The following RNF217 variants were observed in gnomAD, a reference collection of about 807,000 sequenced individuals.
The protein encoded by RNF217 is ring finger protein 217.
Under a neutral mutation model 57.8 loss-of-function variants are expected in RNF217, and 31 were observed. The observed-to-expected ratio is 0.54, with a 90% CI of 0.40 to 0.72. The LOEUF is 0.72. RNF217 is among the 30% of genes least tolerant of loss of function. The probability of loss-of-function intolerance (pLI) is 0.00; values close to 1 mark genes in which losing one functional copy is unlikely to be tolerated. For synonymous variants in RNF217, 313 were observed against 294.0 expected, an observed-to-expected ratio of 1.06 and a Z score of -0.66; for missense variants, 696 against 708.3, an observed-to-expected ratio of 0.98 and a Z score of 0.20.
intron 1 of RNF217, among the ~76,000 whole-genome samples, chr6:125,019,830 CAGT>C (rs752034204): frequency 1.5e-4 from 18 of 116,206 alleles, no homozygotes; most frequent in South Asian, 9.8e-4. Context: ...CCCTTTTTTG[CAGT>C]GGGGGGGGAG....
chr6:125,035,703 T>C (rs1226807989), intron 1 of RNF217, among the ~76,000 whole-genome samples: 1 of 152,160 alleles, frequency 6.6e-6, no homozygotes, highest in East Asian at 1.9e-4. Context: ...TTTAATGTCA[T>C]GTGTAAGAAA....
chr6:125,086,891 A>C lies in RNF217; in HGVS notation c.*3954A>C, dbSNP rs1158261329. 1 of 152,112 alleles carries C rather than the reference A, an allele frequency of 6.6e-6. No individual in the cohort carries two copies. The highest frequency in any genetic ancestry group is 1.9e-4 in the East Asian group (1 of 5,184). 9.4% of individuals were successfully genotyped at this position (152,112 alleles called of 1,614,324 possible). A position where few individuals can be genotyped will look rare whatever the true frequency, so the allele number is the denominator to read the frequency against. ...ACTATCTCTTGAGTCCCAAGGCTCCAATTGAGCCTTTATCTTTCAACCTTA... is the reference window on the plus strand; with the variant it reads ...ACTATCTCTTGAGTCCCAAGGCTCCCATTGAGCCTTTATCTTTCAACCTTA... On this transcript the variant is annotated 3_prime_UTR_variant, in exon 6 of 6. Transcript: ENST00000521654.
Position 125,090,375 on chromosome 6 carries a change from A to C in RNF217, c.*7438A>C, listed in dbSNP as rs1316857405. On this transcript the variant is annotated 3_prime_UTR_variant, in exon 6 of 6. Transcript: ENST00000521654. ...ACAAAGAACCAGTTGTTTTGATTCT[A>C]TTTTAAACAAAATTGTAAGGCAATT... 2 of 152,170 alleles carry C rather than the reference A, an allele frequency of 1.3e-5. No homozygotes were observed. The highest frequency in any genetic ancestry group is 3.9e-4 in the East Asian group (2 of 5,184). 9.4% of individuals were successfully genotyped at this position (152,170 alleles called of 1,614,324 possible).
intron 1 of RNF217, among the ~76,000 whole-genome samples, chr6:124,971,836 T>C (rs945639400): frequency 7.2e-5 from 11 of 152,262 alleles, no homozygotes; most frequent in African/African-American, 2.2e-4. Context: ...AGAACTTTCT[T>C]GTATTTTACC....
chr6:124,963,134 C>T lies in RNF217; in HGVS notation c.590C>T (p.Pro197Leu), dbSNP rs1043214609. The change falls in exon 1 of 6, where the codon CCT becomes CTT. Residue 197 changes from proline to leucine, a missense_variant. Around this residue, in one of 2 missense-constraint regions of RNF217, gnomAD observed 465 missense variants for 386.8 expected, o/e 1.20. Transcript: ENST00000521654. ...CCTGGGGCTCCGCCAGTGTTGAACC[C>T]TCCCAGCACCCGCTCTTCCTTCCCC... Reference protein sequence around the residue: ...SPPGAPPVLNPPSTRSSFPSP... With the variant: ...SPPGAPPVLNLPSTRSSFPSP... 1.4e-5 allele frequency: 22 copies of T among 1,534,332 alleles called. No individual in the cohort carries two copies. In the African/African-American group the frequency reaches 2.7e-4, roughly 19 times the overall value.
chr6:124,996,816 A>T (rs936036350), intron 1 of RNF217, among the ~76,000 whole-genome samples: 1 of 152,246 alleles, frequency 6.6e-6, no homozygotes, highest in African/African-American at 2.4e-5. Context: ...ACTGCCTTGT[A>T]TATCTTTATA....
intron 1 of RNF217, among the ~76,000 whole-genome samples, chr6:125,004,147 G>T (rs545429778): frequency 6.6e-6 from 1 of 152,028 alleles, no homozygotes; most frequent in Non-Finnish European, 1.5e-5. Flanking sequence ...GGAAATATTA[G>T]ACAAATGTTA....
At chr6:125,011,904 C>A (rs1033979074) in intron 1 of RNF217, among the ~76,000 whole-genome samples, 5 of 152,044 alleles carry the variant, frequency 3.3e-5, no homozygotes, top group African/African-American at 1.2e-4. Context: ...GAGTTCTTGA[C>A]TCTTTCCTCT....
intron 1 of RNF217, among the ~76,000 whole-genome samples, chr6:124,989,158 T>C (rs892027252): frequency 1.3e-5 from 2 of 151,892 alleles, no homozygotes; most frequent in Non-Finnish European, 2.9e-5. Context: ...AATTTTTTTT[T>C]AATTTACTAT....
chr6:125,022,413 A>T (rs1785879641), intron 1 of RNF217, among the ~76,000 whole-genome samples: 1 of 152,256 alleles, frequency 6.6e-6, no homozygotes. Context: ...TCACCTGAGC[A>T]GCCTAGGAAA....
intron 1 of RNF217, chr6:125,008,871 C>G (rs1785304362): frequency 6.4e-6 from 1 of 157,336 alleles, no homozygotes; most frequent in African/African-American, 2.4e-5. Flanking sequence ...CAGCTCAATT[C>G]CCCATATTGA....
intron 3 of RNF217, among the ~76,000 whole-genome samples, chr6:125,063,681 A>G (rs561639098): frequency 1.8e-5 from 1 of 56,058 alleles, no homozygotes; most frequent in African/African-American, 5.0e-5. Context: ...AATAATTATA[A>G]CATAACAGGA....
In RNF217 at chr6:125,082,554, T is replaced by A. The variant is rs146398866; in HGVS notation, c.1556-310T>A. ...TTGTTAAGTGATATGCTATACTGCC[T>A]GAAACAAGTGTGAGTATCATAGTGT... On this transcript the variant is annotated intron_variant, in intron 5 of 5. Transcript: ENST00000521654. 1.1e-4 allele frequency: 180 copies of A among 1,612,034 alleles called. No homozygotes were observed. In the African/African-American group the frequency reaches 2.3e-3, roughly 21 times the overall value.
At chr6:125,075,779 G>A (rs1788341260) in intron 3 of RNF217, among the ~76,000 whole-genome samples, 1 of 152,080 alleles carries the variant, frequency 6.6e-6, no homozygotes, top group Admixed American at 6.6e-5. Flanking sequence ...AGATAAAGAT[G>A]GCTCTAATTT....
chr6:125,029,865 C>T (rs1786273573), intron 1 of RNF217, among the ~76,000 whole-genome samples: 1 of 152,124 alleles, frequency 6.6e-6, no homozygotes, highest in African/African-American at 2.4e-5. Context: ...GACGACAGCA[C>T]TGTGTAGGGT....
At chr6:125,059,225 A>C (rs1027892052) in intron 3 of RNF217, among the ~76,000 whole-genome samples, 1 of 152,186 alleles carries the variant, frequency 6.6e-6, no homozygotes, top group Non-Finnish European at 1.5e-5. Context: ...CTGGCTTTCT[A>C]ATAGAAGTGA....
At chr6:125,069,971 T>C (rs1788076692) in intron 3 of RNF217, among the ~76,000 whole-genome samples, 1 of 152,156 alleles carries the variant, frequency 6.6e-6, no homozygotes, top group African/African-American at 2.4e-5. Flanking sequence ...CAGTGTACAC[T>C]GTACCCATTA....
chr6:125,064,441 G>A (rs995350235), intron 3 of RNF217, among the ~76,000 whole-genome samples: 3 of 151,924 alleles, frequency 2.0e-5, no homozygotes, highest in East Asian at 1.9e-4. Context: ...ACTTGCTTAC[G>A]GTCCTGAGAT....
intron 1 of RNF217, among the ~76,000 whole-genome samples, chr6:125,012,755 G>C (rs558183346): frequency 6.6e-6 from 1 of 152,218 alleles, no homozygotes; most frequent in East Asian, 1.9e-4. Context: ...GAATAAAGTA[G>C]ATGTGATGCT....
Sources: allele counts gnomAD v4.1 joint callset (sites outside exome capture counted in the v4.1 genomes callset), GRCh38; gene constraint gnomAD v4.1.1; regional missense constraint gnomAD v4.1.1; transcripts MANE v1.5; gene names NCBI Gene and HGNC (gene_info 2026-07-23, HGNC 2026-07-21).